Variants in ZNF565 observed in about 807,000 individuals in gnomAD.
ZNF565 encodes the protein zinc finger protein 565.
ZNF565 carries 27 observed loss-of-function variants against 39.4 expected under a neutral mutation model. That is an observed-to-expected ratio of 0.69 (90% CI 0.51 to 0.95). The LOEUF is 0.95. Ranked by LOEUF, ZNF565 falls within the 40% of genes least tolerant of loss-of-function variation. The pLI is 0.00. For missense variants in ZNF565, 524 were observed against 621.1 expected (o/e 0.84, Z 1.66); for synonymous variants, 185 against 216.6 (o/e 0.85, Z 1.28).
At chr19:36,210,279 C>T (rs1976303048) in intron 1 of ZNF565, among the ~76,000 whole-genome samples, 1 of 151,504 alleles carries the variant, frequency 6.6e-6, no homozygotes, top group South Asian at 2.1e-4. Flanking sequence ...AAAAAATTAG[C>T]TGGGCGAGGT....
chr19:36,229,244 C>T (rs1344465950), intron 1 of ZNF565, among the ~76,000 whole-genome samples: 3 of 152,206 alleles, frequency 2.0e-5, no homozygotes, highest in African/African-American at 7.2e-5. Context: ...TACACCTGTT[C>T]TCACACTTCC....
intron 1 of ZNF565, among the ~76,000 whole-genome samples, chr19:36,213,627 C>T (rs376703872): frequency 2.0e-5 from 3 of 152,068 alleles, no homozygotes; most frequent in East Asian, 1.9e-4. Flanking sequence ...CTCAGGTGAT[C>T]CACCCGCCTC....
At chr19:36,237,324 C>G in intron 1 of ZNF565, 1 of 1,579,406 alleles carries the variant, frequency 6.3e-7, no homozygotes, top group Non-Finnish European at 8.6e-7. Context: ...CACTAAAAAC[C>G]CCATGAAAGC....
At chr19:36,227,530 C>T (rs1016569238) in intron 1 of ZNF565, among the ~76,000 whole-genome samples, 3 of 151,896 alleles carry the variant, frequency 2.0e-5, no homozygotes, top group African/African-American at 4.8e-5. Context: ...ACTGCATGTG[C>T]ACACCACCAC....
At chr19:36,236,474 G>T in intron 1 of ZNF565, 1 of 1,611,278 alleles carries the variant, frequency 6.2e-7, no homozygotes, top group Non-Finnish European at 8.5e-7. Context: ...AATTTACAGT[G>T]GGGAAAACCC....
At chr19:36,214,584 C>T (rs1392336284) in intron 1 of ZNF565, 38 bp downstream of exon 1, 1 of 153,100 alleles carries the variant, frequency 6.5e-6, no homozygotes, top group East Asian at 1.9e-4. Context: ...AGGCTCCGGA[C>T]ACGCCCCGGC....
Position 36,194,219 on chromosome 19 carries a change from C to T in ZNF565, c.232+14G>A, listed in dbSNP as rs746869143. On this transcript the variant is annotated intron_variant, in intron 4 of 4. Transcript: ENST00000304116. ...TCCAGGGACCTTCCCCTGTCGAAAT[C>T]GGCCCTCGCTTACCTGGGCACCATG... 29 of 1,601,202 alleles carry T rather than the reference C, an allele frequency of 1.8e-5. No individual in the cohort carries two copies. The highest frequency in any genetic ancestry group is 1.2e-4 in the South Asian group (11 of 89,036).
intron 1 of ZNF565, among the ~76,000 whole-genome samples, chr19:36,223,270 T>G (rs898940148): frequency 6.6e-6 from 1 of 151,766 alleles, no homozygotes; most frequent in East Asian, 1.9e-4. Flanking sequence ...TACAAAAAAT[T>G]TAGCCAGTCA....
chr19:36,240,066 G>A (rs1050254875), intron 1 of ZNF565, among the ~76,000 whole-genome samples: 5 of 152,010 alleles, frequency 3.3e-5, no homozygotes, highest in African/African-American at 9.7e-5. Context: ...TGTTTTCCCT[G>A]TTTGCACATA....
At chr19:36,223,259 A>C (rs1976930181) in intron 1 of ZNF565, among the ~76,000 whole-genome samples, 1 of 152,034 alleles carries the variant, frequency 6.6e-6, no homozygotes, top group Non-Finnish European at 1.5e-5. Context: ...TCTACTAAAA[A>C]TACAAAAAAT....
upstream of ZNF565, among the ~76,000 whole-genome samples, chr19:36,219,592 G>C (rs916455283): frequency 2.6e-5 from 4 of 152,104 alleles, no homozygotes; most frequent in African/African-American, 7.2e-5. Context: ...ATACCATTAG[G>C]AGAGATATAC....
At chr19:36,241,690 G>A in intron 1 of ZNF565, among the ~76,000 whole-genome samples, 1 of 150,384 alleles carries the variant, frequency 6.6e-6, no homozygotes, top group Non-Finnish European at 1.5e-5. Context: ...ACTTTGGGAG[G>A]CTGAGCTAGG....
At chr19:36,237,207 C>G in intron 1 of ZNF565, 1 of 1,614,100 alleles carries the variant, frequency 6.2e-7, no homozygotes. Flanking sequence ...TCAACCCTTG[C>G]TCTGCATTTG....
intron 1 of ZNF565, among the ~76,000 whole-genome samples, chr19:36,205,724 G>C (rs1235063986): frequency 6.6e-6 from 1 of 151,466 alleles, no homozygotes; most frequent in Non-Finnish European, 1.5e-5. Context: ...CACTTTTTCA[G>C]GCACGAAGAG....
At chr19:36,189,473 C>T (rs548903605) in intron 4 of ZNF565, among the ~76,000 whole-genome samples, 59 of 151,490 alleles carry the variant, frequency 3.9e-4, no homozygotes, top group South Asian at 6.3e-4. Flanking sequence ...TGCCACCATG[C>T]CCGGCTAATT....
At chr19:36,236,346 G>A in intron 1 of ZNF565, 1 of 1,401,754 alleles carries the variant, frequency 7.1e-7, no homozygotes, top group South Asian at 1.4e-5. Flanking sequence ...AAATGTAAGA[G>A]ATGTGGAAAT....
intron 2 of ZNF565, among the ~76,000 whole-genome samples, chr19:36,197,917 G>A (rs954258902): frequency 2.6e-5 from 4 of 152,082 alleles, no homozygotes; most frequent in African/African-American, 9.7e-5. Context: ...GGAGGCCAAG[G>A]CAGGCAGATC....
At chr19:36,239,295 G>A (rs550301348) in intron 1 of ZNF565, among the ~76,000 whole-genome samples, 4 of 151,410 alleles carry the variant, frequency 2.6e-5, no homozygotes, top group Middle Eastern at 3.4e-3. Context: ...CATGGGAAAC[G>A]TGTGCATTAA....
chr19:36,224,215 C>T (rs1459280683), intron 1 of ZNF565, among the ~76,000 whole-genome samples: 1 of 152,140 alleles, frequency 6.6e-6, no homozygotes, highest in Non-Finnish European at 1.5e-5. Context: ...AACCCTGTCT[C>T]TACTAAAAAT....
Sources: gnomAD v4.1 joint callset for allele counts (sites outside exome capture counted in the v4.1 genomes callset) on GRCh38, gnomAD v4.1.1 for gene constraint, MANE v1.5 for transcripts, NCBI Gene and HGNC (gene_info 2026-07-23, HGNC 2026-07-21) for gene names.